PTPRT: variants seen among roughly 807,000 people sequenced by gnomAD.
The protein encoded by PTPRT is protein tyrosine phosphatase receptor type T, also known as receptor-type tyrosine-protein phosphatase T.
In PTPRT, 56 loss-of-function variants were observed where a neutral mutation model predicts 176.8. That is an observed-to-expected ratio of 0.32 (90% CI 0.26 to 0.40). The LOEUF (loss-of-function observed/expected upper bound fraction) is 0.40. Among genes scored for constraint, PTPRT ranks in the 10% least tolerant of loss-of-function variants. The pLI is 1.00. For missense variants in PTPRT, 1,540 were observed against 1,908.2 expected (o/e 0.81, Z 3.60); for synonymous variants, 783 against 739.0 (o/e 1.06, Z -0.96).
chr20:42,720,596 G>A (rs1224771511), intron 6 of PTPRT, among the ~76,000 whole-genome samples: 1 of 152,210 alleles, frequency 6.6e-6, no homozygotes. Flanking sequence ...TGTATAGAGA[G>A]AAGTTGTCTA....
At chr20:42,767,120 CAGGTGTGTTGAT>C (rs1344552158) in intron 5 of PTPRT, among the ~76,000 whole-genome samples, 1 of 152,124 alleles carries the variant, frequency 6.6e-6, no homozygotes, top group East Asian at 1.9e-4. Context: ...TCTGGGGTGG[CAGGTGTGTTGAT>C]AGGTGCCTTC....
chr20:42,693,594 C>T (rs942928428), intron 6 of PTPRT, among the ~76,000 whole-genome samples: 6 of 152,172 alleles, frequency 3.9e-5, no homozygotes, highest in African/African-American at 1.4e-4. Flanking sequence ...ATACAGCTGA[C>T]ACTTCACTGT....
intron 8 of PTPRT, among the ~76,000 whole-genome samples, chr20:42,464,073 G>A (rs977198604): frequency 2.6e-5 from 4 of 152,140 alleles, no homozygotes; most frequent in African/African-American, 9.7e-5. Flanking sequence ...CAACGAATGT[G>A]GTACTACTGA....
At chr20:42,439,553 T>C (rs2059293668) in intron 9 of PTPRT, among the ~76,000 whole-genome samples, 1 of 152,210 alleles carries the variant, frequency 6.6e-6, no homozygotes, top group African/African-American at 2.4e-5. Flanking sequence ...GAGTTGGCTG[T>C]AGCGTAACAT....
At chr20:42,510,705 A>G (rs2071939218) in intron 7 of PTPRT, among the ~76,000 whole-genome samples, 1 of 152,198 alleles carries the variant, frequency 6.6e-6, no homozygotes, top group Non-Finnish European at 1.5e-5. Context: ...GACTGGAAGT[A>G]ACAGAACCGT....
chr20:43,082,477 C>T (rs1041207201), intron 1 of PTPRT, among the ~76,000 whole-genome samples: 1 of 152,152 alleles, frequency 6.6e-6, no homozygotes, highest in African/African-American at 2.4e-5. Flanking sequence ...CAAGACACAA[C>T]CCTTGGACTG....
chr20:42,199,345 T>A lies in PTPRT; in HGVS notation c.2386A>T (p.Arg796Trp). 3 of 1,614,136 alleles carry A rather than the reference T, an allele frequency of 1.9e-6. No individual in the cohort carries two copies. The highest frequency in any genetic ancestry group is 2.5e-6 in the Non-Finnish European group (3 of 1,179,996). ...GCAGAGGCCACAGGCCCCATCTCCC[T>A]CTGGGCTCCACTCTGGGTCTCCTTC... ...KQKETQSGAQREMGPVASADK... is the reference protein window; with the variant it reads ...KQKETQSGAQWEMGPVASADK... Residue 796 changes from arginine to tryptophan, a missense_variant, in exon 16 of 31, where the codon AGG becomes TGG. Physicochemically the swap from Arg to Trp is moderately radical, Grantham distance 101. Coordinates refer to ENST00000373187, the MANE Select transcript of PTPRT (RefSeq NM_007050.6).
intron 1 of PTPRT, among the ~76,000 whole-genome samples, chr20:43,188,761 G>GGT (rs1555845674): frequency 1.4e-5 from 2 of 147,552 alleles, no homozygotes; most frequent in Non-Finnish European, 3.0e-5. Flanking sequence ...GGGGGGGGGG[G>GGT]GCTCGGGGGT....
intron 7 of PTPRT, among the ~76,000 whole-genome samples, chr20:42,640,413 T>C (rs908697324): frequency 2.0e-5 from 3 of 151,958 alleles, no homozygotes; most frequent in African/African-American, 7.3e-5. Context: ...AAAATTTTTT[T>C]GAGACAGTGT....
At chr20:42,184,573 C>CTTCTTA (rs1219302531) in intron 16 of PTPRT, among the ~76,000 whole-genome samples, 1 of 136,628 alleles carries the variant, frequency 7.3e-6, no homozygotes, top group African/African-American at 2.8e-5. Context: ...TCTTCTTCTT[C>CTTCTTA]TTCTTCTTCT....
At chr20:43,131,635 G>T (rs577959364) in intron 1 of PTPRT, among the ~76,000 whole-genome samples, 1 of 152,234 alleles carries the variant, frequency 6.6e-6, no homozygotes, top group East Asian at 1.9e-4. Context: ...ATTCATAGGT[G>T]ATTTATTCAG....
At chr20:42,201,611 C>G (rs780426819) in intron 15 of PTPRT, among the ~76,000 whole-genome samples, 3 of 151,412 alleles carry the variant, frequency 2.0e-5, no homozygotes, top group Non-Finnish European at 2.9e-5. Context: ...ATAGAGGAAG[C>G]AGTAACCAGA....
At chr20:43,124,639 G>C (rs955788121) in intron 1 of PTPRT, among the ~76,000 whole-genome samples, 1 of 152,214 alleles carries the variant, frequency 6.6e-6, no homozygotes, top group African/African-American at 2.4e-5. Flanking sequence ...AGGTAACAGA[G>C]ACAATCTTTC....
intron 2 of PTPRT, among the ~76,000 whole-genome samples, chr20:42,807,387 A>C (rs1569167352): frequency 6.6e-6 from 1 of 152,100 alleles, no homozygotes; most frequent in Non-Finnish European, 1.5e-5. Context: ...TCTCATGGGA[A>C]TTTTTAAGGG....
At chr20:42,550,271 C>T (rs960779526) in intron 7 of PTPRT, among the ~76,000 whole-genome samples, 4 of 152,014 alleles carry the variant, frequency 2.6e-5, no homozygotes, top group Admixed American at 6.6e-5. Flanking sequence ...TCCAGACCAC[C>T]GTTCCAATTT....
intron 7 of PTPRT, among the ~76,000 whole-genome samples, chr20:42,601,308 C>T (rs1569007778): frequency 6.6e-6 from 1 of 152,162 alleles, no homozygotes; most frequent in Non-Finnish European, 1.5e-5. Context: ...TTCATTTTCC[C>T]ATTATATTAT....
rs1447227124 is a variant in PTPRT at position 42,965,765 on chromosome 20, TTC to T, written c.89-79835_89-79834del. Among the ~76,000 whole-genome samples, 113 of 152,320 alleles carry T rather than the reference TTC, an allele frequency of 7.4e-4. 1 individual carries two copies. The highest frequency in any genetic ancestry group is 3.4e-3 in the Middle Eastern group (1 of 294). ...GGCACTGATGTTGATTTTCTTTCAA[TTC>T]ATCTATACATTTAAGAAATCCCAAA... is the stretch of plus-strand genomic sequence containing the variant. On this transcript the variant is annotated intron_variant, in intron 1 of 30. Coordinates refer to ENST00000373187, the MANE Select transcript of PTPRT (RefSeq NM_007050.6).
intron 1 of PTPRT, among the ~76,000 whole-genome samples, chr20:42,948,345 C>G (rs950083604): frequency 2.0e-5 from 3 of 152,194 alleles, no homozygotes; most frequent in Non-Finnish European, 1.5e-5. Context: ...CCCGGTTCAT[C>G]CTCTGGAGAA....
At chr20:42,049,826 A>G in the PTPRT span, among the ~76,000 whole-genome samples, 1 of 152,206 alleles carries the variant, frequency 6.6e-6, no homozygotes, top group Non-Finnish European at 1.5e-5. Context: ...ACAGAAAGGA[A>G]AGAACCGAGA....
Sources: gnomAD v4.1 joint callset for allele counts (sites outside exome capture counted in the v4.1 genomes callset) on GRCh38, gnomAD v4.1.1 for gene constraint, MANE v1.5 for transcripts, NCBI Gene and HGNC (gene_info 2026-07-23, HGNC 2026-07-21) for gene names.